The following LRP1B variants were observed in gnomAD, a reference collection of about 807,000 sequenced individuals.
LRP1B encodes the protein LDL receptor related protein 1B, also known as low-density lipoprotein receptor-related protein 1B.
A neutral mutation model predicts 556.6 loss-of-function variants in LRP1B; 217 were observed. That is an observed-to-expected ratio of 0.39 (90% CI 0.35 to 0.44). LRP1B has a LOEUF of 0.44. Ranked by LOEUF, LRP1B falls within the 20% of genes least tolerant of loss-of-function variation. The pLI is 1.00. For synonymous variants in LRP1B, 2,047 were observed against 1,865.8 expected (o/e 1.10, Z -2.50); for missense variants, 5,053 against 5,620.8 (o/e 0.90, Z 3.23).
chr2:140,967,138 T>C (rs570393907), intron 18 of LRP1B, among the ~76,000 whole-genome samples: 6 of 152,306 alleles, frequency 3.9e-5, no homozygotes, highest in Middle Eastern at 3.4e-3. Context: ...TCAGGCAGTA[T>C]GGCCATTTTC....
In LRP1B at chr2:141,773,244, T is replaced by C. The variant is rs1412240151; in HGVS notation, c.205+37035A>G. 2.0e-5 allele frequency among the ~76,000 whole-genome samples: 3 copies of C among 152,212 alleles called. No individual in the cohort carries two copies. In the East Asian group the frequency reaches 5.8e-4, roughly 29 times the overall value. ...AGTCCTAATTTGACACAATTAAAAG[T>C]AGACAATCCTTTCTATCTGTACCAA... On this transcript the variant is annotated intron_variant, in intron 2 of 90. Transcript: ENST00000389484.
At chr2:141,600,788 C>T (rs142647451) in intron 2 of LRP1B, among the ~76,000 whole-genome samples, 8 of 152,150 alleles carry the variant, frequency 5.3e-5, no homozygotes, top group South Asian at 2.1e-4. Context: ...CTGTTTTGTA[C>T]CTGTGCCTAC....
intron 2 of LRP1B, among the ~76,000 whole-genome samples, chr2:141,694,274 G>T (rs1369809485): frequency 6.6e-6 from 1 of 152,014 alleles, no homozygotes; most frequent in Non-Finnish European, 1.5e-5. Flanking sequence ...GGCCTTGGGA[G>T]AGAAGCAGAA....
At chr2:141,916,396 G>T (rs1173195453) in intron 1 of LRP1B, among the ~76,000 whole-genome samples, 1 of 80,492 alleles carries the variant, frequency 1.2e-5, no homozygotes, top group Admixed American at 1.3e-4. Flanking sequence ...ACGGAGTCTC[G>T]CTCTGTCCCC....
At chr2:141,520,662 C>T (rs1183303916) in intron 2 of LRP1B, among the ~76,000 whole-genome samples, 1 of 151,998 alleles carries the variant, frequency 6.6e-6, no homozygotes, top group Non-Finnish European at 1.5e-5. Flanking sequence ...AAATTCACCT[C>T]TGTTTCATGT....
intron 1 of LRP1B, among the ~76,000 whole-genome samples, chr2:141,822,130 C>CACACACAGAGAGAGAGAGAG (rs374369026): frequency 1.3e-4 from 12 of 95,894 alleles, no homozygotes; most frequent in African/African-American, 4.9e-4. Flanking sequence ...CACACACACA[C>CACACACAGAGAGAGAGAGAG]AGAGAGAGAG....
intron 41 of LRP1B, among the ~76,000 whole-genome samples, chr2:140,699,064 A>G (rs1319065645): frequency 2.0e-5 from 3 of 152,092 alleles, no homozygotes; most frequent in Non-Finnish European, 4.4e-5. Context: ...CATTTGCAAC[A>G]CACACAGTAG....
At chr2:141,937,388 A>T (rs1007222995) in intron 1 of LRP1B, among the ~76,000 whole-genome samples, 11 of 151,576 alleles carry the variant, frequency 7.3e-5, no homozygotes, top group African/African-American at 2.2e-4. Context: ...CCATCTCAAA[A>T]AATAATAATA....
chr2:141,041,138 A>C (rs1698685520), intron 11 of LRP1B, among the ~76,000 whole-genome samples: 1 of 152,170 alleles, frequency 6.6e-6, no homozygotes, highest in South Asian at 2.1e-4. Context: ...CTCTTCTGAT[A>C]TTATCAGGTG....
chr2:141,892,322 C>T (rs961689403), intron 1 of LRP1B, among the ~76,000 whole-genome samples: 3 of 151,626 alleles, frequency 2.0e-5, no homozygotes, highest in Admixed American at 6.6e-5. Flanking sequence ...ATTGGAGTGA[C>T]GATTTAACTT....
rs1559079440 is a variant in LRP1B at position 142,115,517 on chromosome 2, CATATATAATATATATATTACAT to C, written c.82+15109_82+15130del. On this transcript the variant is annotated intron_variant, in intron 1 of 90. Coordinates refer to ENST00000389484, the MANE Select transcript of LRP1B (RefSeq NM_018557.3). ...TATATATAATATATATTATATATTA[CATATATAATATATATATTACAT>C]ATGTAATATATATATTATATATGTA... is the stretch of plus-strand genomic sequence containing the variant. Among the ~76,000 whole-genome samples, 13 of 63,066 alleles carry C rather than the reference CATATATAATATATATATTACAT, an allele frequency of 2.1e-4. 1 individual carries two copies. The East Asian group carries it at 4.5e-3, about 22-fold the overall frequency. 41.4% of individuals were successfully genotyped at this position (63,066 alleles called of 152,430 possible).
chr2:140,655,030 A>ATGTG (rs1279917304), intron 41 of LRP1B, among the ~76,000 whole-genome samples: 1 of 151,490 alleles, frequency 6.6e-6, no homozygotes, highest in African/African-American at 2.4e-5. Flanking sequence ...GGGTATATGT[A>ATGTG]TGTATATATA....
At chr2:141,973,389 GGATTT>G (rs1180060205) in intron 1 of LRP1B, among the ~76,000 whole-genome samples, 8 of 151,736 alleles carry the variant, frequency 5.3e-5, no homozygotes, top group African/African-American at 1.4e-4. Context: ...AGATTTTTTA[GGATTT>G]GATTTTTGTC....
chr2:141,634,967 G>A (rs1314171284), intron 2 of LRP1B, among the ~76,000 whole-genome samples: 1 of 151,526 alleles, frequency 6.6e-6, no homozygotes, highest in Non-Finnish European at 1.5e-5. Context: ...ACAGTTGAAG[G>A]TATCCCTAAG....
intron 1 of LRP1B, among the ~76,000 whole-genome samples, chr2:141,873,309 A>C (rs1029965163): frequency 6.6e-6 from 1 of 151,892 alleles, no homozygotes; most frequent in Non-Finnish European, 1.5e-5. Context: ...AATACAAAAA[A>C]ATTAGTGGGG....
At chr2:141,362,561 T>C (rs1688864189) in intron 3 of LRP1B, among the ~76,000 whole-genome samples, 1 of 152,258 alleles carries the variant, frequency 6.6e-6, no homozygotes, top group South Asian at 2.1e-4. Flanking sequence ...CTGGAATTTG[T>C]ACTACTACAT....
At chr2:140,479,349 G>A (rs779956903) in intron 59 of LRP1B, among the ~76,000 whole-genome samples, 10 of 151,274 alleles carry the variant, frequency 6.6e-5, no homozygotes, top group Admixed American at 4.6e-4. Context: ...AATGACAACT[G>A]CCGTGAAAAT....
chr2:141,759,024 A>G (rs560297139), intron 2 of LRP1B, among the ~76,000 whole-genome samples: 1 of 152,264 alleles, frequency 6.6e-6, no homozygotes, highest in Non-Finnish European at 1.5e-5. Flanking sequence ...AAATAAAAGG[A>G]GAAGGCTTTG....
intron 27 of LRP1B, among the ~76,000 whole-genome samples, chr2:140,864,480 G>T (rs1418583861): frequency 6.6e-6 from 1 of 151,844 alleles, no homozygotes; most frequent in Non-Finnish European, 1.5e-5. Context: ...CACACATTGA[G>T]ACTAACAACT....
Sources: gnomAD v4.1 joint callset for allele counts (sites outside exome capture counted in the v4.1 genomes callset) on GRCh38, gnomAD v4.1.1 for gene constraint, MANE v1.5 for transcripts, NCBI Gene and HGNC (gene_info 2026-07-23, HGNC 2026-07-21) for gene names.